The following PRTG variants were observed in gnomAD, a reference collection of about 807,000 sequenced individuals.
PRTG encodes protogenin.
Under a neutral mutation model 122.5 loss-of-function variants are expected in PRTG, and 67 were observed. The observed-to-expected ratio is 0.55, with a 90% CI of 0.45 to 0.67. The LOEUF (loss-of-function observed/expected upper bound fraction) is 0.67, where lower values mean the gene tolerates loss of function less well. Among genes scored for constraint, PRTG ranks in the 30% least tolerant of loss-of-function variants. PRTG has a pLI of 0.00. For synonymous variants in PRTG, 554 were observed against 501.1 expected, an observed-to-expected ratio of 1.11 and a Z score of -1.41; for missense variants, 1,435 against 1,415.4, an observed-to-expected ratio of 1.01 and a Z score of -0.22.
intron 8 of PRTG, among the ~76,000 whole-genome samples, chr15:55,677,049 A>C (rs1595641499): frequency 6.6e-6 from 1 of 152,214 alleles, no homozygotes; most frequent in African/African-American, 2.4e-5. Context: ...TGAAGTATAG[A>C]ACTGAAATTT....
Position 55,682,297 on chromosome 15 carries a change from G to T in PRTG, c.676+67C>A, listed in dbSNP as rs80064850. ...TACTTTATGGCACATTATTACAGCA[G>T]AGGAGAAGAAGTAACAACTGCGCCA... On this transcript the variant is annotated intron_variant, in intron 4 of 19. Coordinates refer to ENST00000389286, the MANE Select transcript of PRTG (RefSeq NM_173814.6). The T allele has an allele frequency of 8.5e-6, 11 of 1,289,938 alleles. No individual in the cohort carries two copies. The South Asian group carries it at 2.0e-4, about 24-fold the overall frequency. The allele number at this position is 1,289,938 out of a possible 1,614,324, so 79.9% of individuals were successfully genotyped here.
chr15:55,672,037 T>C (rs1293638863), intron 11 of PRTG, among the ~76,000 whole-genome samples: 2 of 152,188 alleles, frequency 1.3e-5, no homozygotes, highest in Non-Finnish European at 2.9e-5. Context: ...TTTGTAATTA[T>C]ATAGCAATTA....
intron 11 of PRTG, among the ~76,000 whole-genome samples, chr15:55,651,605 T>C (rs2059353540): frequency 6.6e-6 from 1 of 152,128 alleles, no homozygotes. Context: ...TACTAACAGG[T>C]TTGTTCCCTG....
intron 11 of PRTG, among the ~76,000 whole-genome samples, chr15:55,670,689 T>C (rs1327596159): frequency 6.6e-6 from 1 of 151,768 alleles, no homozygotes; most frequent in Non-Finnish European, 1.5e-5. Context: ...TCACCTGAGG[T>C]TGGGAGTTCA....
At chr15:55,663,057 T>C (rs1367982633) in intron 11 of PRTG, among the ~76,000 whole-genome samples, 3 of 152,222 alleles carry the variant, frequency 2.0e-5, no homozygotes, top group Non-Finnish European at 4.4e-5. Context: ...AAAGCCCTAC[T>C]CCAGAGTAAA....
intron 15 of PRTG, among the ~76,000 whole-genome samples, chr15:55,634,674 T>C (rs1442676643): frequency 6.6e-6 from 1 of 151,798 alleles, no homozygotes; most frequent in Non-Finnish European, 1.5e-5. Context: ...AACACCCGTC[T>C]CTACTAAAAT....
rs200616482 is a variant in PRTG, at chr15:55,716,221, ACT to A, written c.397+24159_397+24160del. On this transcript the variant is annotated intron_variant, in intron 2 of 19. Coordinates refer to ENST00000389286, the MANE Select transcript of PRTG (RefSeq NM_173814.6). Reference sequence around the variant, plus strand: ...GCACTCCAGCCTGGGTGACAGTGAAACTCTGTCTCAAAAACAGAAAACAAACA... The same window carrying A: ...GCACTCCAGCCTGGGTGACAGTGAAACTGTCTCAAAAACAGAAAACAAACA... Among the ~76,000 whole-genome samples the A allele has an allele frequency of 4.8e-3, 734 of 152,324 alleles. 9 individuals carry two copies. Among genetic ancestry groups the A allele is most frequent in the African/African-American group, 0.016 (672 of 41,574 alleles).
Position 55,675,684 on chromosome 15 carries a change from C to T in PRTG, c.1382-1G>A. 1 of 1,529,536 alleles carries T rather than the reference C, an allele frequency of 6.5e-7. No homozygotes were observed. Among genetic ancestry groups the T allele is most frequent in the Non-Finnish European group, 9.0e-7 (1 of 1,109,424 alleles). 94.7% of individuals were successfully genotyped at this position (1,529,536 alleles called of 1,614,324 possible). A position where few individuals can be genotyped will look rare whatever the true frequency, so the allele number is the denominator to read the frequency against. On this transcript the variant is annotated splice_acceptor_variant, in intron 8 of 19. Coordinates refer to ENST00000389286, the MANE Select transcript of PRTG (RefSeq NM_173814.6). LOFTEE classifies it high-confidence loss of function. ...ACTTGATACTCTTCATTATTTAAAC[C>T]TAAATTAAAGAATCCATGTTTTAAA...
intron 2 of PRTG, among the ~76,000 whole-genome samples, chr15:55,726,261 G>A (rs966873884): frequency 6.6e-6 from 1 of 152,032 alleles, no homozygotes; most frequent in African/African-American, 2.4e-5. Context: ...ATTTTTCATA[G>A]AGATGGGGTT....
intron 2 of PRTG, among the ~76,000 whole-genome samples, chr15:55,695,755 G>A (rs1168884233): frequency 6.6e-6 from 1 of 152,226 alleles, no homozygotes; most frequent in Non-Finnish European, 1.5e-5. Flanking sequence ...GAGACAGGCA[G>A]ATCACTTGAG....
At chr15:55,742,794 C>T (rs1278141949) in intron 1 of PRTG, 44 bp downstream of exon 1, 5 of 1,538,774 alleles carry the variant, frequency 3.2e-6, no homozygotes, top group Admixed American at 4.0e-5. Context: ...CGCGCCCGCT[C>T]CCGCCCCACA....
intron 2 of PRTG, among the ~76,000 whole-genome samples, chr15:55,712,225 A>G (rs1489032456): frequency 6.6e-6 from 1 of 152,232 alleles, no homozygotes; most frequent in Non-Finnish European, 1.5e-5. Context: ...TGTGAACTCT[A>G]GAGGGTTAAT....
Position 55,711,511 on chromosome 15 carries a change from G to C in PRTG, c.398-27580C>G, listed in dbSNP as rs111874273. On this transcript the variant is annotated intron_variant, in intron 2 of 19. Coordinates refer to ENST00000389286, the MANE Select transcript of PRTG (RefSeq NM_173814.6). ...GGAAGATCATGCTAATTCCATACCA[G>C]GTCCTTGAGAAGCGCTGTTTGATGC... 5.3e-3 allele frequency among the ~76,000 whole-genome samples: 811 copies of C among 152,122 alleles called. 7 individuals carry two copies. The highest frequency in any genetic ancestry group is 0.018 in the African/African-American group (758 of 41,498).
In PRTG at chr15:55,619,446, C is replaced by T. The variant is rs1595596638; in HGVS notation, c.*566G>A. ...CAGATAAACATTCTTACTCATCTACCTATATGACTCCTTTGATCACACACA... is the reference window on the plus strand; with the variant it reads ...CAGATAAACATTCTTACTCATCTACTTATATGACTCCTTTGATCACACACA... On this transcript the variant is annotated 3_prime_UTR_variant, in exon 20 of 20. Coordinates refer to ENST00000389286, the MANE Select transcript of PRTG (RefSeq NM_173814.6). The T allele has an allele frequency of 6.5e-6, 1 of 153,560 alleles. No homozygotes were observed. The highest frequency in any genetic ancestry group is 1.5e-5 in the Non-Finnish European group (1 of 68,846). 9.5% of individuals were successfully genotyped at this position (153,560 alleles called of 1,614,324 possible).
chr15:55,635,126 C>T (rs1595608062), intron 15 of PRTG, among the ~76,000 whole-genome samples: 1 of 141,488 alleles, frequency 7.1e-6, no homozygotes, highest in East Asian at 2.4e-4. Context: ...GAGTCTCACT[C>T]TATCACCCAG....
intron 2 of PRTG, among the ~76,000 whole-genome samples, chr15:55,714,543 C>A (rs8032300): frequency 0.096 from 14,596 of 151,860 alleles, 836 homozygotes; most frequent in Middle Eastern, 0.18. Context: ...CTTATCCCCC[C>A]CTTTTTTTTT....
chr15:55,731,629 G>A (rs1011184038), intron 2 of PRTG, among the ~76,000 whole-genome samples: 7 of 152,022 alleles, frequency 4.6e-5, no homozygotes, highest in South Asian at 2.1e-4. Flanking sequence ...TCAGCCTCCC[G>A]AAGTGCTGGG....
rs538519448 is a variant in PRTG, at chr15:55,743,112, G to T, written c.-181C>A. 1.6e-3 allele frequency: 2,102 copies of T among 1,277,660 alleles called. 23 individuals carry two copies. In the South Asian group the frequency reaches 0.018, roughly 11 times the overall value. 79.1% of individuals were successfully genotyped at this position (1,277,660 alleles called of 1,614,324 possible). On this transcript the variant is annotated 5_prime_UTR_variant, in exon 1 of 20. Coordinates refer to ENST00000389286, the MANE Select transcript of PRTG (RefSeq NM_173814.6). ...GAGGCTGGTGCTCGGACGGCCGCTC[G>T]CGAGAAGCAAGGGGCCTGAGAGTCC...
rs563263004 is a variant in PRTG at position 55,722,352 on chromosome 15, T to C, written c.397+18030A>G. Among the ~76,000 whole-genome samples, 3 of 152,338 alleles carry C rather than the reference T, an allele frequency of 2.0e-5. No homozygotes were observed. In the East Asian group the frequency reaches 5.8e-4, roughly 29 times the overall value. ...CAGGTACTATATTTTATTAGTCATGTCATTCTCAAGATCTAGCAAGAGTAT... is the reference window on the plus strand; with the variant it reads ...CAGGTACTATATTTTATTAGTCATGCCATTCTCAAGATCTAGCAAGAGTAT... On this transcript the variant is annotated intron_variant, in intron 2 of 19. Transcript: ENST00000389286.
Sources: allele counts gnomAD v4.1 joint callset (sites outside exome capture counted in the v4.1 genomes callset), GRCh38; gene constraint gnomAD v4.1.1; transcripts MANE v1.5; gene names NCBI Gene and HGNC (gene_info 2026-07-23, HGNC 2026-07-21).